FHIP2B: variants seen among roughly 807,000 people sequenced by gnomAD.
FHIP2B encodes FHF complex subunit HOOK interacting protein 2B, also known as FHF complex subunit HOOK-interacting protein 2B.
A neutral mutation model predicts 84.0 loss-of-function variants in FHIP2B; 72 were observed. The observed-to-expected ratio is 0.86, with a 90% CI of 0.71 to 1.04. FHIP2B has a LOEUF of 1.04. Ranked by LOEUF, FHIP2B falls within the 50% of genes least tolerant of loss-of-function variation. The probability of loss-of-function intolerance (pLI) is 0.00; values close to 1 mark genes in which losing one functional copy is unlikely to be tolerated. For missense variants in FHIP2B, 972 were observed against 968.9 expected (o/e 1.00, Z -0.04); for synonymous variants, 497 against 418.7 (o/e 1.19, Z -2.28).
At chr8:22,099,607 CA>C in intron 9 of FHIP2B, 96 bp from the exon 10 acceptor site, 1 of 1,382,168 alleles carries the variant, frequency 7.2e-7, no homozygotes. Flanking sequence ...ACAGACATAC[CA>C]GCCAAACATG....
intron 7 of FHIP2B, 83 bp downstream of exon 7, chr8:22,098,702 GTTCC>G (rs1187105133): frequency 7.2e-7 from 1 of 1,383,892 alleles, no homozygotes; most frequent in Non-Finnish European, 9.7e-7. Flanking sequence ...CTCCCCTGGG[GTTCC>G]ACGTTGCTAG....
chr8:22,092,027 A>G (rs1339784868), intron 1 of FHIP2B, among the ~76,000 whole-genome samples: 1 of 152,238 alleles, frequency 6.6e-6, no homozygotes, highest in Non-Finnish European at 1.5e-5. Flanking sequence ...GTCACATAGA[A>G]TGTAGTGAGA....
rs1825337124 is a variant in FHIP2B at position 22,089,345 on chromosome 8, G to C, written c.45+47G>C. 1.5e-5 allele frequency: 15 copies of C among 973,780 alleles called. No individual in the cohort carries two copies. The South Asian group carries it at 1.8e-4, about 12-fold the overall frequency. 60.3% of individuals were successfully genotyped at this position (973,780 alleles called of 1,614,324 possible). A position where few individuals can be genotyped will look rare whatever the true frequency, so the allele number is the denominator to read the frequency against. On this transcript the variant is annotated intron_variant, in intron 1 of 16. Coordinates refer to ENST00000289921, the MANE Select transcript of FHIP2B (RefSeq NM_022749.7). Reference sequence around the variant, plus strand: ...CGGGCCGCCGGGAGTCGCGGGCCTAGGCCGGGCTGGGCGGGCGCGGAGCCG... The same window carrying C: ...CGGGCCGCCGGGAGTCGCGGGCCTACGCCGGGCTGGGCGGGCGCGGAGCCG...
Position 22,100,757 on chromosome 8 carries a change from C to T in FHIP2B, c.1487+18C>T. ...GACACCCTGTAAGTGAAACCGGCGC[C>T]CTTTGGACTCAGCCCAGCCCTTAGC... On this transcript the variant is annotated intron_variant, in intron 11 of 16. Transcript: ENST00000289921. 3 of 1,606,636 alleles carry T rather than the reference C, an allele frequency of 1.9e-6. No homozygotes were observed. Among genetic ancestry groups the T allele is most frequent in the Non-Finnish European group, 2.6e-6 (3 of 1,174,754 alleles).
rs755233115 is a variant in FHIP2B, at chr8:22,102,589, T to A, written c.2054T>A (p.Leu685Gln). The change falls in exon 16 of 17, where the codon CTG becomes CAG. Residue 685 changes from leucine (L) to glutamine (Q), a missense_variant. Physicochemically the swap from Leu to Gln is moderately radical, Grantham distance 113. Coordinates refer to ENST00000289921, the MANE Select transcript of FHIP2B (RefSeq NM_022749.7). ...RVPQFPGKLL[L>Q]VRKQLTGQAP... ...CCCCAGTTCCCAGGCAAGCTGCTCC[T>A]GGTGCGCAAGCAGTTGACGGGCCAG... 5.8e-6 allele frequency: 9 copies of A among 1,564,634 alleles called. No individual in the cohort carries two copies. Among genetic ancestry groups the A allele is most frequent in the Non-Finnish European group, 7.8e-6 (9 of 1,154,926 alleles).
chr8:22,104,379 G>C lies in FHIP2B; in HGVS notation c.*1448G>C, dbSNP rs1481380334. ...CAGCAATAAATGGTGTGATTGCGTG[G>C]ACACCGTGGCTCTGTTCTTGGCCAA... On this transcript the variant is annotated 3_prime_UTR_variant, in exon 17 of 17. Transcript: ENST00000289921. 1 of 152,466 alleles carries C rather than the reference G, an allele frequency of 6.6e-6. No individual in the cohort carries two copies. The highest frequency in any genetic ancestry group is 1.5e-5 in the Non-Finnish European group (1 of 68,036). The allele number at this position is 152,466 out of a possible 1,614,324, so 9.4% of individuals were successfully genotyped here. A position where few individuals can be genotyped will look rare whatever the true frequency, so the allele number is the denominator to read the frequency against.
At position 22,098,538 on chromosome 8, in the gene FHIP2B, G is replaced by A. The variant is rs771300488; in HGVS notation, c.884G>A (p.Arg295Gln). The change falls in exon 7 of 17, where the codon CGG becomes CAG. Residue 295 changes from arginine (R) to glutamine (Q), a missense_variant. Physicochemically the swap from Arg to Gln is conservative, Grantham distance 43. Transcript: ENST00000289921. Reference protein sequence around the residue: ...QSSACCPAIVRHLCQLYRSMP... With the variant: ...QSSACCPAIVQHLCQLYRSMP... ...AGCGCCTGCTGCCCTGCGATCGTCC[G>A]GCACCTTTGCCAGTTGTACCGGTCC... 13 of 1,612,406 alleles carry A rather than the reference G, an allele frequency of 8.1e-6. No homozygotes were observed. The highest frequency in any genetic ancestry group is 4.5e-5 in the East Asian group (2 of 44,834).
chr8:22,089,651 G>A (rs1329229371), intron 1 of FHIP2B: 4 of 637,220 alleles, frequency 6.3e-6, no homozygotes, highest in South Asian at 5.3e-5. Flanking sequence ...CGGGGCCCTA[G>A]GCCGCCTCCC....
rs776251925 is a variant in FHIP2B at position 22,099,851 on chromosome 8, G to A, written c.1299G>A (p.Leu433=). ...PEAPGDNPHT[L]YAHLIGHCDH... is the part of the protein sequence containing the mutation. Reference sequence around the variant, plus strand: ...CCCCCGGGGACAACCCCCACACCCTGTATGCTCATCTCATCGGGCATTGTG... The same window carrying A: ...CCCCCGGGGACAACCCCCACACCCTATATGCTCATCTCATCGGGCATTGTG... Residue 433 remains leucine, a synonymous_variant, in exon 10 of 17, where the codon CTG becomes CTA. Coordinates refer to ENST00000289921, the MANE Select transcript of FHIP2B (RefSeq NM_022749.7). 1.9e-6 allele frequency: 3 copies of A among 1,612,786 alleles called. No individual in the cohort carries two copies. Among genetic ancestry groups the A allele is most frequent in the Non-Finnish European group, 2.5e-6 (3 of 1,179,506 alleles).
At chr8:22,101,038 T>TA (rs959036992) in intron 12 of FHIP2B, 66 bp downstream of exon 12, 20 of 1,523,738 alleles carry the variant, frequency 1.3e-5, no homozygotes, top group African/African-American at 9.7e-5. Flanking sequence ...TTTTTTGAGA[T>TA]AGAGTCTCGC....
chr8:22,094,673 A>G, intron 2 of FHIP2B, 155 bp downstream of exon 2: 1 of 1,483,542 alleles, frequency 6.7e-7, no homozygotes, highest in Non-Finnish European at 8.9e-7. Context: ...AGACAGACAG[A>G]AGACCCAGAG....
chr8:22,096,489 T>C lies in FHIP2B; in HGVS notation c.277T>C (p.Cys93Arg). 6.5e-7 allele frequency: 1 copy of C among 1,546,648 alleles called. No individual in the cohort carries two copies. Reference protein sequence around the residue: ...LLQHKILETLCTLGKAEYPPG... With the variant: ...LLQHKILETLRTLGKAEYPPG... Reference sequence around the variant, plus strand: ...GCAGCACAAGATCCTGGAGACTCTCTGCACGCTGGGCAAGGCCGAGGTGGG... The same window carrying C: ...GCAGCACAAGATCCTGGAGACTCTCCGCACGCTGGGCAAGGCCGAGGTGGG... The change falls in exon 3 of 17, where the codon TGC (cysteine) becomes CGC (arginine). Residue 93 changes from cysteine to arginine, a missense_variant. Coordinates refer to ENST00000289921, the MANE Select transcript of FHIP2B (RefSeq NM_022749.7).
chr8:22,092,012 G>C (rs1339482615), intron 1 of FHIP2B, among the ~76,000 whole-genome samples: 1 of 152,222 alleles, frequency 6.6e-6, no homozygotes, highest in East Asian at 1.9e-4. Flanking sequence ...AGCACAGCAG[G>C]CACTGTCACA....
In FHIP2B at chr8:22,094,487, G is replaced by A; in HGVS notation, c.93G>A (p.Lys31=). 1 of 1,611,750 alleles carries A rather than the reference G, an allele frequency of 6.2e-7. No homozygotes were observed. Among genetic ancestry groups the A allele is most frequent in the Non-Finnish European group, 8.5e-7 (1 of 1,179,040 alleles). Residue 31 remains lysine, a synonymous_variant, in exon 2 of 17, where the codon AAG becomes AAA. Transcript: ENST00000289921. ...DLLQAFVEHW[K]GITHYYIEST... ...TGCAGGCCTTCGTGGAGCACTGGAA[G>A]GGCATCACGCACTACTACATCGAGA... is the stretch of plus-strand genomic sequence containing the variant.
At position 22,094,443 on chromosome 8, in the gene FHIP2B, G is replaced by A. The variant is rs367645450; in HGVS notation, c.49G>A (p.Glu17Lys). The A allele has an allele frequency of 4.4e-5, 70 of 1,604,646 alleles. No individual in the cohort carries two copies. The highest frequency in any genetic ancestry group is 2.5e-4 in the South Asian group (23 of 90,514). ...GTTGTGTGTCTGCCCTCCGCAGCGCGAGCCCAGCATTGACCTGCTGCAGGC... is the reference window on the plus strand; with the variant it reads ...GTTGTGTGTCTGCCCTCCGCAGCGCAAGCCCAGCATTGACCTGCTGCAGGC... ...ALLQEAVGAR[E>K]PSIDLLQAFV... The change falls in exon 2 of 17, where the codon GAG (glutamate) becomes AAG (lysine). Residue 17 changes from glutamate (E) to lysine (K), a missense_variant. Physicochemically the swap from Glu to Lys is moderately conservative, Grantham distance 56 (BLOSUM62 1). Coordinates refer to ENST00000289921, the MANE Select transcript of FHIP2B (RefSeq NM_022749.7).
At position 22,103,127 on chromosome 8, in the gene FHIP2B, T is replaced by C. The variant is rs1826220412; in HGVS notation, c.*196T>C. The C allele has an allele frequency of 1.4e-6, 1 of 719,530 alleles. No homozygotes were observed. Among genetic ancestry groups the C allele is most frequent in the Non-Finnish European group, 2.2e-6 (1 of 449,418 alleles). The allele number at this position is 719,530 out of a possible 1,614,324, so 44.6% of individuals were successfully genotyped here. A position where few individuals can be genotyped will look rare whatever the true frequency, so the allele number is the denominator to read the frequency against. On this transcript the variant is annotated 3_prime_UTR_variant, in exon 17 of 17. Coordinates refer to ENST00000289921, the MANE Select transcript of FHIP2B (RefSeq NM_022749.7). ...GCCAGGTGCCAAGGAGCCAAACAGATGGCTTTCCAGGCAGCAAGGTCCTTG... is the reference window on the plus strand; with the variant it reads ...GCCAGGTGCCAAGGAGCCAAACAGACGGCTTTCCAGGCAGCAAGGTCCTTG...
In FHIP2B at chr8:22,102,512, G is replaced by A. The variant is rs982953282; in HGVS notation, c.1993-16G>A. On this transcript the variant is annotated splice_polypyrimidine_tract_variant and intron_variant, in intron 15 of 16. Transcript: ENST00000289921. ...GTTGCTGGCCCCATCTGAGTCCCCT[G>A]TGATTCCCGCTGTAGGTGATCGGGG... 5.2e-6 allele frequency: 8 copies of A among 1,552,880 alleles called. No homozygotes were observed. In the African/African-American group the frequency reaches 9.6e-5, roughly 19 times the overall value.
At chr8:22,100,818 G>T (rs760179646) in intron 11 of FHIP2B, 26 bp from the exon 12 acceptor site, 4 of 1,613,766 alleles carry the variant, frequency 2.5e-6, no homozygotes, top group East Asian at 2.2e-5. Flanking sequence ...ATTCACTGGT[G>T]CCGTACTGCT....
rs368248523 is a variant in FHIP2B, at chr8:22,100,956, A to C, written c.1600A>C (p.Thr534Pro). 1.2e-6 allele frequency: 2 copies of C among 1,613,846 alleles called. No individual in the cohort carries two copies. The highest frequency in any genetic ancestry group is 8.5e-7 in the Non-Finnish European group (1 of 1,179,872). ...ATSYDGKTAV[T>P]EIVNSFLCLV... is the part of the protein sequence containing the mutation. ...CAGTTACGATGGCAAAACAGCAGTG[A>C]CCGAGATCGTCAACAGGTGGGGAGC... is the stretch of plus-strand genomic sequence containing the variant. The change falls in exon 12 of 17, where the codon ACC becomes CCC. Residue 534 changes from threonine (T) to proline (P), a missense_variant. Thr to Pro is a conservative substitution (Grantham distance 38). Transcript: ENST00000289921.
Sources: gnomAD v4.1 joint callset for allele counts (sites outside exome capture counted in the v4.1 genomes callset) on GRCh38, gnomAD v4.1.1 for gene constraint, MANE v1.5 for transcripts, NCBI Gene and HGNC (gene_info 2026-07-23, HGNC 2026-07-21) for gene names.